The following ARHGAP15 variants were observed in gnomAD, a reference collection of about 807,000 sequenced individuals.
ARHGAP15 encodes the protein Rho GTPase activating protein 15, also known as rho GTPase-activating protein 15.
Under a neutral mutation model 63.7 loss-of-function variants are expected in ARHGAP15, and 51 were observed. The ratio of observed to expected loss-of-function variants is 0.80; its 90% confidence interval spans 0.64 to 1.01. The LOEUF is 1.01. ARHGAP15 is among the 50% of genes least tolerant of loss of function. The pLI, the probability that ARHGAP15 is intolerant of heterozygous loss-of-function variation, is 0.00. For missense variants in ARHGAP15, 560 were observed against 564.6 expected (o/e 0.99, Z 0.08); for synonymous variants, 191 against 193.8 (o/e 0.99, Z 0.12).
intron 6 of ARHGAP15, among the ~76,000 whole-genome samples, chr2:143,290,720 G>T (rs549871714): frequency 1.6e-4 from 24 of 152,240 alleles, no homozygotes; most frequent in African/African-American, 5.3e-4. Context: ...GTAGGAGGAG[G>T]AACAGGGAGC....
At chr2:143,637,624 C>G (rs1000644450) in intron 12 of ARHGAP15, among the ~76,000 whole-genome samples, 4 of 151,958 alleles carry the variant, frequency 2.6e-5, no homozygotes, top group Non-Finnish European at 5.9e-5. Context: ...ATATTTACGT[C>G]CTCAAATACA....
chr2:143,689,811 A>G (rs1026816485), intron 12 of ARHGAP15, among the ~76,000 whole-genome samples: 2 of 152,164 alleles, frequency 1.3e-5, no homozygotes, highest in Non-Finnish European at 2.9e-5. Context: ...TACATATGGG[A>G]CTACACAATT....
chr2:143,253,243 G>A lies in ARHGAP15; in HGVS notation c.474+2643G>A, dbSNP rs1680251269. 2.6e-5 allele frequency among the ~76,000 whole-genome samples: 4 copies of A among 151,680 alleles called. No individual in the cohort carries two copies. In the South Asian group the frequency reaches 8.4e-4, roughly 32 times the overall value. ...TGATGGATTAGCAATTGTATGCCAT[G>A]TAATTACAATGTCTGCAGAGAAGTT... On this transcript the variant is annotated intron_variant, in intron 6 of 13. Coordinates refer to ENST00000295095, the MANE Select transcript of ARHGAP15 (RefSeq NM_018460.4).
At chr2:143,746,400 G>A (rs1686166116) in intron 13 of ARHGAP15, among the ~76,000 whole-genome samples, 1 of 151,982 alleles carries the variant, frequency 6.6e-6, no homozygotes, top group South Asian at 2.1e-4. Flanking sequence ...CAGAAGATAG[G>A]AAGAACATAG....
chr2:143,507,594 G>A (rs1048050169), intron 9 of ARHGAP15, among the ~76,000 whole-genome samples: 7 of 152,214 alleles, frequency 4.6e-5, no homozygotes, highest in East Asian at 3.9e-4. Context: ...ATGCAGCTTC[G>A]AATTCCATCT....
Position 143,547,049 on chromosome 2 carries a change from G to A in ARHGAP15, c.926-9359G>A, listed in dbSNP as rs570502706. Among the ~76,000 whole-genome samples, 17 of 152,144 alleles carry A rather than the reference G, an allele frequency of 1.1e-4. No homozygotes were observed. In the Middle Eastern group the frequency reaches 0.01, roughly 91 times the overall value. On this transcript the variant is annotated intron_variant, in intron 10 of 13. Coordinates refer to ENST00000295095, the MANE Select transcript of ARHGAP15 (RefSeq NM_018460.4). ...ACCACTGATGCTAGGTTCTTTTCTA[G>A]AGAAATTTCTCAAGCAAACTCAGAA...
At chr2:143,740,085 C>T (rs1447657470) in intron 13 of ARHGAP15, among the ~76,000 whole-genome samples, 1 of 151,758 alleles carries the variant, frequency 6.6e-6, no homozygotes, top group African/African-American at 2.4e-5. Flanking sequence ...TTTCCACAAC[C>T]AAAATGGTCC....
intron 6 of ARHGAP15, among the ~76,000 whole-genome samples, chr2:143,325,721 T>A (rs754642241): frequency 1.1e-4 from 16 of 152,244 alleles, no homozygotes; most frequent in Admixed American, 2.6e-4. Context: ...TCAGAAAAAA[T>A]CACTCTAAGC....
chr2:143,580,495 T>C (rs1359684186), intron 11 of ARHGAP15, among the ~76,000 whole-genome samples: 2 of 152,172 alleles, frequency 1.3e-5, no homozygotes, highest in African/African-American at 4.8e-5. Context: ...CAACAGATTC[T>C]GTATTCTGGA....
chr2:143,350,524 T>C (rs1196031035), intron 6 of ARHGAP15, among the ~76,000 whole-genome samples: 1 of 151,708 alleles, frequency 6.6e-6, no homozygotes, highest in Non-Finnish European at 1.5e-5. Context: ...ATGTATGAAA[T>C]TATATATTTT....
intron 12 of ARHGAP15, among the ~76,000 whole-genome samples, chr2:143,698,434 C>T (rs1163025403): frequency 2.0e-5 from 3 of 152,188 alleles, no homozygotes; most frequent in Admixed American, 6.5e-5. Flanking sequence ...TATAAAGCCA[C>T]ATTCTTATCA....
chr2:143,520,554 G>A (rs1414274257), intron 10 of ARHGAP15, among the ~76,000 whole-genome samples: 1 of 152,110 alleles, frequency 6.6e-6, no homozygotes, highest in Admixed American at 6.6e-5. Flanking sequence ...GCAACTGCAG[G>A]ATGAACATGA....
chr2:143,228,838 A>G (rs1279326798), intron 5 of ARHGAP15, among the ~76,000 whole-genome samples, 170 bp downstream of exon 5: 1 of 152,186 alleles, frequency 6.6e-6, no homozygotes, highest in Non-Finnish European at 1.5e-5. Context: ...AATAGAACTT[A>G]GTGTCTGTTT....
intron 4 of ARHGAP15, among the ~76,000 whole-genome samples, chr2:143,225,291 A>T (rs886672780): frequency 5.3e-5 from 8 of 152,110 alleles, no homozygotes; most frequent in African/African-American, 9.7e-5. Flanking sequence ...AAAGTAAATT[A>T]AAAAAATTTG....
chr2:143,286,865 A>C (rs1682130379), intron 6 of ARHGAP15, among the ~76,000 whole-genome samples: 1 of 152,328 alleles, frequency 6.6e-6, no homozygotes, highest in African/African-American at 2.4e-5. Context: ...AGGTGATATG[A>C]TGGAACCTAT....
At chr2:143,300,167 C>G (rs929884914) in intron 6 of ARHGAP15, among the ~76,000 whole-genome samples, 3 of 151,906 alleles carry the variant, frequency 2.0e-5, no homozygotes, top group African/African-American at 7.3e-5. Flanking sequence ...TAACCTGATA[C>G]CTATGTAGAA....
chr2:143,326,749 A>G (rs1338182499), intron 6 of ARHGAP15, among the ~76,000 whole-genome samples: 1 of 152,206 alleles, frequency 6.6e-6, no homozygotes, highest in Non-Finnish European at 1.5e-5. Flanking sequence ...TAAACTAGGT[A>G]TTGATGGGTC....
chr2:143,210,798 C>T (rs1160429473), intron 3 of ARHGAP15, among the ~76,000 whole-genome samples: 1 of 152,120 alleles, frequency 6.6e-6, no homozygotes, highest in Non-Finnish European at 1.5e-5. Context: ...TTTCTATCAC[C>T]ACTTATGTAT....
chr2:143,297,789 G>A (rs559810064), intron 6 of ARHGAP15, among the ~76,000 whole-genome samples: 1 of 151,932 alleles, frequency 6.6e-6, no homozygotes, highest in Non-Finnish European at 1.5e-5. Flanking sequence ...TTCCAGGCTA[G>A]GCCAAATATT....
Sources: allele counts gnomAD v4.1 joint callset (sites outside exome capture counted in the v4.1 genomes callset), GRCh38; gene constraint gnomAD v4.1.1; transcripts MANE v1.5; gene names NCBI Gene and HGNC (gene_info 2026-07-23, HGNC 2026-07-21).